Variants in TRIM29 observed in about 807,000 individuals in gnomAD.
TRIM29 encodes tripartite motif containing 29, also known as tripartite motif-containing protein 29.
In TRIM29, 52 loss-of-function variants were observed where a neutral mutation model predicts 57.3. The ratio of observed to expected loss-of-function variants is 0.91; its 90% CI spans 0.73 to 1.14. The LOEUF is 1.14. TRIM29 is among the 50% of genes most tolerant of loss of function. The pLI, the probability that TRIM29 is intolerant of heterozygous loss-of-function variation, is 0.00. For missense variants in TRIM29, 753 were observed against 774.6 expected (o/e 0.97, Z 0.33); for synonymous variants, 319 against 316.9 (o/e 1.01, Z -0.07).
intron 7 of TRIM29, chr11:120,115,617 G>A (rs1863248713): frequency 3.5e-6 from 2 of 575,526 alleles, no homozygotes; most frequent in East Asian, 5.9e-5. Context: ...GGAGGAGGCA[G>A]CAAAGCAGAC....
In TRIM29 at chr11:120,127,528, G is replaced by C. The variant is rs144234206; in HGVS notation, c.942C>G (p.Phe314Leu). The C allele has an allele frequency of 7.2e-5, 116 of 1,614,064 alleles. No homozygotes were observed. The African/African-American group carries it at 1.5e-3, about 21-fold the overall frequency. The change falls in exon 3 of 9, where the codon TTC becomes TTG. Residue 314 changes from phenylalanine to leucine, a missense_variant. Phe to Leu is a conservative substitution (Grantham distance 22, BLOSUM62 0). Coordinates refer to ENST00000341846, the MANE Select transcript of TRIM29 (RefSeq NM_012101.4). The part of the protein sequence containing the change: ...TNEKAILEQN[F>L]RDLVRDLEKQ... ...TCTCCAGGTCCCGCACCAGGTCCCGGAAGTTCTGCTCCAGGATGGCCTTCT... is the reference window on the plus strand; with the variant it reads ...TCTCCAGGTCCCGCACCAGGTCCCGCAAGTTCTGCTCCAGGATGGCCTTCT...
At chr11:120,119,914 AGCACTGG>A (rs1038369917) in intron 6 of TRIM29, among the ~76,000 whole-genome samples, 14 of 152,114 alleles carry the variant, frequency 9.2e-5, no homozygotes, top group African/African-American at 3.4e-4. Context: ...GTCCCCTCAG[AGCACTGG>A]GCAGAGGGAG....
chr11:120,112,056 G>A lies in TRIM29; in HGVS notation c.*358C>T. ...AGACAGCAGGGCGTGGGCGGGAGAG[G>A]CAGGCTGATACCATGCGGGTACTCA... On this transcript the variant is annotated 3_prime_UTR_variant, in exon 9 of 9. Transcript: ENST00000341846. 3.5e-6 allele frequency: 1 copy of A among 287,614 alleles called. No individual in the cohort carries two copies. Among genetic ancestry groups the A allele is most frequent in the African/African-American group, 2.3e-5 (1 of 43,610 alleles). The allele number at this position is 287,614 out of a possible 1,614,324, so 17.8% of individuals were successfully genotyped here.
chr11:120,125,389 A>T, intron 4 of TRIM29: 9 of 408,244 alleles, frequency 2.2e-5, no homozygotes, highest in East Asian at 9.0e-5. Context: ...GTAGATCTGA[A>T]CGAAACCAGT....
At chr11:120,124,063 A>G (rs1370444829) in intron 4 of TRIM29, 1 of 155,948 alleles carries the variant, frequency 6.4e-6, no homozygotes, top group Non-Finnish European at 1.4e-5. Context: ...ACACGAAAAA[A>G]CAACACAGAG....
chr11:120,118,566 G>T (rs951934563), intron 6 of TRIM29, among the ~76,000 whole-genome samples: 3 of 152,162 alleles, frequency 2.0e-5, no homozygotes, highest in African/African-American at 7.2e-5. Flanking sequence ...AAGGGACAAA[G>T]TCCCAAGAGC....
Position 120,126,109 on chromosome 11 carries a change from C to T in TRIM29, c.1135-220G>A, listed in dbSNP as rs533920000. 16 of 556,450 alleles carry T rather than the reference C, an allele frequency of 2.9e-5. No individual in the cohort carries two copies. In the South Asian group the frequency reaches 3.1e-4, roughly 11 times the overall value. 34.5% of individuals were successfully genotyped at this position (556,450 alleles called of 1,614,324 possible). On this transcript the variant is annotated intron_variant, in intron 3 of 8. Transcript: ENST00000341846. The stretch of plus-strand genomic sequence containing the variant: ...ACTAGCGTTCAGATGTGTGACTCCA[C>T]GACTCCCACCTCTAAAGTGGGTGCA...
Position 120,122,131 on chromosome 11 carries a change from A to AGTGTGTGTGTGT in TRIM29, c.1435+811_1435+822dup, listed in dbSNP as rs72245071. On this transcript the variant is annotated intron_variant, in intron 5 of 8. Coordinates refer to ENST00000341846, the MANE Select transcript of TRIM29 (RefSeq NM_012101.4). Reference sequence around the variant, plus strand: ...CCAAGCCTCTCCCATTGTGTGTGTGAGTGTGTGTGTGTGTGTGTGTGTGTG... The same window carrying AGTGTGTGTGTGT: ...CCAAGCCTCTCCCATTGTGTGTGTGAGTGTGTGTGTGTGTGTGTGTGTGTGTGTGTGTGTGTG... The AGTGTGTGTGTGT allele has an allele frequency of 6.2e-3, 1,269 of 203,990 alleles. 17 individuals carry two copies. Among genetic ancestry groups the AGTGTGTGTGTGT allele is most frequent in the African/African-American group, 0.026 (932 of 35,670 alleles). The allele number at this position is 203,990 out of a possible 1,614,324, so 12.6% of individuals were successfully genotyped here. A position where few individuals can be genotyped will look rare whatever the true frequency, so the allele number is the denominator to read the frequency against.
intron 1 of TRIM29, among the ~76,000 whole-genome samples, chr11:120,129,182 G>A (rs1164253176): frequency 2.0e-5 from 3 of 152,162 alleles, no homozygotes; most frequent in African/African-American, 7.2e-5. Flanking sequence ...AGACTGTTGG[G>A]GTCTGGGGTG....
chr11:120,116,211 T>G (rs1863265559), intron 7 of TRIM29: 1 of 152,260 alleles, frequency 6.6e-6, no homozygotes, highest in Non-Finnish European at 1.5e-5. Flanking sequence ...TGAGCTTGGT[T>G]GCAAAGATGC....
intron 1 of TRIM29, among the ~76,000 whole-genome samples, chr11:120,129,635 C>G (rs959149750): frequency 1.3e-5 from 2 of 151,728 alleles, no homozygotes; most frequent in African/African-American, 4.8e-5. Context: ...TGCGGCACAC[C>G]TTCTGAACGC....
intron 8 of TRIM29, among the ~76,000 whole-genome samples, chr11:120,112,920 A>G (rs565650298): frequency 3.4e-4 from 52 of 152,290 alleles, no homozygotes; most frequent in Middle Eastern, 3.4e-3. Flanking sequence ...TATTCAATTT[A>G]TAGTTGAGCA....
At chr11:120,125,667 G>A (rs1428726864) in intron 4 of TRIM29, 24 bp downstream of exon 4, 1 of 1,613,252 alleles carries the variant, frequency 6.2e-7, no homozygotes. Context: ...TGGCCTTGGG[G>A]CCCAGCCACG....
chr11:120,118,645 C>T (rs1465966079), intron 6 of TRIM29, among the ~76,000 whole-genome samples: 4 of 145,884 alleles, frequency 2.7e-5, no homozygotes, highest in South Asian at 4.8e-4. Context: ...CACTTCTTGA[C>T]TTCACCTCTG....
rs568965004 is a variant in TRIM29, at chr11:120,131,901, T to C, written c.805-3406A>G. ...CTAGTATGTGCCAGGACTTTTCTCC[T>C]TTAACCAGCAAAAGCCTCCTGTGGA... On this transcript the variant is annotated intron_variant, in intron 1 of 8. Transcript: ENST00000341846. Among the ~76,000 whole-genome samples the C allele has an allele frequency of 5.4e-5, 8 of 149,300 alleles. No individual in the cohort carries two copies. In the South Asian group the frequency reaches 1.8e-3, roughly 33 times the overall value.
Position 120,137,322 on chromosome 11 carries a change from T to C in TRIM29, c.710A>G (p.Gln237Arg). The part of the protein sequence containing the change: ...VHGKTMELFC[Q>R]TDQTCICYLC... ...GTAGCAGATGCAGGTCTGGTCGGTC[T>C]GGCAGAAGAGCTCCATCGTCTTGCC... The change falls in exon 1 of 9, where the codon CAG (glutamine) becomes CGG (arginine). Residue 237 changes from glutamine to arginine, a missense_variant. Physicochemically the swap from Gln to Arg is conservative, Grantham distance 43. Transcript: ENST00000341846. The surrounding 1 kb of genome is among the most constrained non-coding windows in gnomAD (Gnocchi z 6.2). The C allele has an allele frequency of 1.3e-5, 21 of 1,614,092 alleles. No individual in the cohort carries two copies. Among genetic ancestry groups the C allele is most frequent in the Non-Finnish European group, 1.6e-5 (19 of 1,180,004 alleles).
At chr11:120,124,258 G>C (rs1024441375) in intron 4 of TRIM29, 4 of 152,684 alleles carry the variant, frequency 2.6e-5, no homozygotes, top group African/African-American at 9.7e-5. Context: ...AGCCTGAACA[G>C]TTTCTGCAAG....
At chr11:120,133,300 G>A (rs12420985) in intron 1 of TRIM29, among the ~76,000 whole-genome samples, 2,335 of 152,276 alleles carry the variant, frequency 0.015, 110 homozygotes, top group East Asian at 0.15. Context: ...TTAAAATAGC[G>A]GAGAGGAATC....
At chr11:120,129,891 C>T (rs1480901290) in intron 1 of TRIM29, among the ~76,000 whole-genome samples, 2 of 152,048 alleles carry the variant, frequency 1.3e-5, no homozygotes, top group African/African-American at 4.8e-5. Context: ...ATTTGCCCCA[C>T]CAGCAAACGG....
Sources: gnomAD v4.1 joint callset for allele counts (sites outside exome capture counted in the v4.1 genomes callset) on GRCh38, gnomAD v4.1.1 for gene constraint, Gnocchi (gnomAD v3.1) non-coding constraint, MANE v1.5 for transcripts, NCBI Gene and HGNC (gene_info 2026-07-23, HGNC 2026-07-21) for gene names.